Variants in VIPR2 observed in about 807,000 individuals in gnomAD.
VIPR2 encodes the protein vasoactive intestinal polypeptide receptor 2.
VIPR2 carries 48 observed loss-of-function variants against 58.0 expected under a neutral mutation model. The ratio of observed to expected loss-of-function variants is 0.83; its 90% CI spans 0.66 to 1.05. The LOEUF (loss-of-function observed/expected upper bound fraction) is 1.05, where lower values mean the gene tolerates loss of function less well. Among genes scored for constraint, VIPR2 ranks in the 50% least tolerant of loss-of-function variants. VIPR2 has a pLI of 0.00. For missense variants in VIPR2, 534 were observed against 558.0 expected, an observed-to-expected ratio of 0.96 and a Z score of 0.43; for synonymous variants, 243 against 235.2, an observed-to-expected ratio of 1.03 and a Z score of -0.30.
At chr7:159,036,966 G>A in intron 6 of VIPR2, 64 bp from the exon 7 acceptor site, 1 of 1,558,928 alleles carries the variant, frequency 6.4e-7, no homozygotes, top group Non-Finnish European at 8.7e-7. Context: ...CTACCAGCAG[G>A]CAGTGCCGCT....
intron 2 of VIPR2, among the ~76,000 whole-genome samples, chr7:159,139,842 C>G (rs1234365189): frequency 6.6e-6 from 1 of 152,266 alleles, no homozygotes; most frequent in African/African-American, 2.4e-5. Context: ...TGGACAAAGC[C>G]CCCTCAGGGA....
intron 5 of VIPR2, among the ~76,000 whole-genome samples, chr7:159,049,925 CA>C (rs144171474): frequency 0.038 from 5,810 of 152,302 alleles, 169 homozygotes; most frequent in Middle Eastern, 0.068. Context: ...ATGAAAAATT[CA>C]AATCCTCTGC....
At chr7:159,054,326 G>T (rs150905560) in intron 5 of VIPR2, among the ~76,000 whole-genome samples, 3 of 152,256 alleles carry the variant, frequency 2.0e-5, no homozygotes, top group African/African-American at 7.2e-5. Flanking sequence ...ATGACATAAA[G>T]AAACAAATGG....
At chr7:159,068,899 A>G (rs547544201) in intron 4 of VIPR2, among the ~76,000 whole-genome samples, 1 of 152,342 alleles carries the variant, frequency 6.6e-6, no homozygotes, top group African/African-American at 2.4e-5. Context: ...CAAACCTACC[A>G]AAAGCATAGA....
intron 5 of VIPR2, among the ~76,000 whole-genome samples, chr7:159,058,006 CCA>C: frequency 6.6e-6 from 1 of 152,302 alleles, no homozygotes; most frequent in Non-Finnish European, 1.5e-5. Flanking sequence ...TTCTTAGTCT[CCA>C]CACATTACAG....
rs771102721 is a variant in VIPR2 at position 159,031,794 on chromosome 7, C to T, written c.1143+34G>A. ...CAGCATCTCAGGAAGCAAGTGAGTA[C>T]CTGTGCTTGGTTCCAAGGCGGCCAT... On this transcript the variant is annotated intron_variant, in intron 12 of 12. Coordinates refer to ENST00000262178, the MANE Select transcript of VIPR2 (RefSeq NM_003382.5). The surrounding 1 kb of genome is among the most constrained non-coding windows in gnomAD (Gnocchi z 4.0). The T allele has an allele frequency of 2.5e-6, 4 of 1,613,762 alleles. No individual in the cohort carries two copies. The highest frequency in any genetic ancestry group is 3.4e-6 in the Non-Finnish European group (4 of 1,180,002).
intron 2 of VIPR2, among the ~76,000 whole-genome samples, chr7:159,132,034 T>G (rs1276982976): frequency 6.6e-6 from 1 of 152,214 alleles, no homozygotes; most frequent in Non-Finnish European, 1.5e-5. Flanking sequence ...CAACATTCTT[T>G]GCTTTACTTC....
rs1427403380 is a variant in VIPR2, at chr7:159,099,899, G to C, written c.357+3858C>G. Among the ~76,000 whole-genome samples, 1 of 152,156 alleles carries C rather than the reference G, an allele frequency of 6.6e-6. No homozygotes were observed. Among genetic ancestry groups the C allele is most frequent in the Non-Finnish European group, 1.5e-5 (1 of 68,018 alleles). ...CTGTCAGCCATGGTGTGTGATGACA[G>C]AGGCCGCAATGTTCCCCCTCTCCCT... On this transcript the variant is annotated intron_variant, in intron 4 of 12. Transcript: ENST00000262178. This position sits in a 1 kb window ranked among gnomAD's most constrained non-coding sequence, Gnocchi z 4.2.
At chr7:159,050,046 A>G (rs1032788332) in intron 5 of VIPR2, among the ~76,000 whole-genome samples, 4 of 152,222 alleles carry the variant, frequency 2.6e-5, no homozygotes, top group Non-Finnish European at 4.4e-5. Context: ...GTTAAAAAGA[A>G]AAAACACTGG....
intron 2 of VIPR2, among the ~76,000 whole-genome samples, chr7:159,110,986 C>T (rs867899344): frequency 6.6e-6 from 1 of 152,128 alleles, no homozygotes; most frequent in Non-Finnish European, 1.5e-5. Context: ...ATTCATATTA[C>T]ATTAATGTTA....
intron 4 of VIPR2, among the ~76,000 whole-genome samples, chr7:159,090,030 T>A (rs1857370572): frequency 6.6e-6 from 1 of 151,606 alleles, no homozygotes; most frequent in African/African-American, 2.4e-5. Flanking sequence ...AGGGGCCACC[T>A]CTTGTGACCA....
rs1563364559 is a variant in VIPR2, at chr7:159,144,170, T to C, written c.51+551A>G. 1.3e-5 allele frequency: 11 copies of C among 847,618 alleles called. No homozygotes were observed. In the East Asian group the frequency reaches 2.0e-4, roughly 15 times the overall value. 52.5% of individuals were successfully genotyped at this position (847,618 alleles called of 1,614,324 possible). ...ACAGAGGGAATAATTCAGAACTCCATGTGCGAAGGCACTTAATCAACAAAC... is the reference window on the plus strand; with the variant it reads ...ACAGAGGGAATAATTCAGAACTCCACGTGCGAAGGCACTTAATCAACAAAC... On this transcript the variant is annotated intron_variant, in intron 1 of 12. Transcript: ENST00000262178.
intron 4 of VIPR2, among the ~76,000 whole-genome samples, chr7:159,090,408 A>G (rs1407926878): frequency 2.6e-4 from 12 of 45,566 alleles, no homozygotes; most frequent in Non-Finnish European, 3.0e-4. Flanking sequence ...GCAGAGACAC[A>G]CTGGGATCAC....
chr7:159,078,085 G>A (rs971681816), intron 4 of VIPR2, among the ~76,000 whole-genome samples: 6 of 152,204 alleles, frequency 3.9e-5, no homozygotes, highest in Middle Eastern at 3.2e-3. Flanking sequence ...GTTCCTGTGT[G>A]GGCCACTTAG....
intron 4 of VIPR2, among the ~76,000 whole-genome samples, chr7:159,102,010 CG>C: frequency 8.4e-6 from 1 of 118,430 alleles, no homozygotes; most frequent in Admixed American, 8.4e-5. Flanking sequence ...TCACGAGATC[CG>C]ACGAGGCAGT....
At chr7:159,043,260 T>C (rs866858058) in intron 5 of VIPR2, 84 bp from the exon 6 acceptor site, 27 of 1,262,182 alleles carry the variant, frequency 2.1e-5, no homozygotes, top group Middle Eastern at 4.6e-4. Flanking sequence ...GAGAAACTCA[T>C]ACTATGATCA....
chr7:159,039,866 C>T (rs773138059), intron 6 of VIPR2, among the ~76,000 whole-genome samples: 10 of 152,162 alleles, frequency 6.6e-5, no homozygotes, highest in Non-Finnish European at 1.0e-4. Context: ...ATGCCTGCAG[C>T]GGCAAAAGAG....
intron 4 of VIPR2, among the ~76,000 whole-genome samples, chr7:159,103,359 G>A (rs1052808937): frequency 1.3e-5 from 2 of 152,174 alleles, no homozygotes; most frequent in African/African-American, 2.4e-5. Flanking sequence ...AAACCATGGC[G>A]CTGACTTCTC....
intron 5 of VIPR2, among the ~76,000 whole-genome samples, chr7:159,049,445 C>T (rs928081865): frequency 6.6e-6 from 1 of 152,126 alleles, no homozygotes; most frequent in Non-Finnish European, 1.5e-5. Context: ...CCAGGGCCTC[C>T]GTGGGTATCT....
Sources: allele counts gnomAD v4.1 joint callset (sites outside exome capture counted in the v4.1 genomes callset), GRCh38; gene constraint gnomAD v4.1.1; non-coding constraint Gnocchi (gnomAD v3.1); transcripts MANE v1.5; gene names NCBI Gene and HGNC (gene_info 2026-07-23, HGNC 2026-07-21).